The following PTK2 variants were observed in gnomAD, a reference collection of about 807,000 sequenced individuals.
The protein encoded by PTK2 is protein tyrosine kinase 2, also known as focal adhesion kinase 1.
PTK2 carries 45 observed loss-of-function variants against 150.1 expected under a neutral mutation model. That is an observed-to-expected ratio of 0.30 (90% confidence interval 0.24 to 0.38). The LOEUF (loss-of-function observed/expected upper bound fraction) is 0.38, where lower values mean the gene tolerates loss of function less well. Ranked by LOEUF, PTK2 falls within the 10% of genes least tolerant of loss-of-function variation. PTK2 has a pLI of 1.00. For synonymous variants in PTK2, 432 were observed against 449.2 expected (o/e 0.96, Z 0.48); for missense variants, 919 against 1,307.3 (o/e 0.70, Z 4.58).
At chr8:140,665,019 C>A (rs746505151) in intron 30 of PTK2, 22 bp from the exon 35 acceptor site, 1 of 1,598,838 alleles carries the variant, frequency 6.3e-7, no homozygotes, top group Non-Finnish European at 8.6e-7. Context: ...GAATCACAAC[C>A]AATATTAGAA....
At position 140,898,886 on chromosome 8, in the gene PTK2, G is replaced by A. The variant is rs564069441; in HGVS notation, c.-32-8117C>T. ...AGAGTAGCTCACTGTTAGAACATGAGAGAATAAGCAAAGGAATGCAAATTG... is the reference window on the plus strand; with the variant it reads ...AGAGTAGCTCACTGTTAGAACATGAAAGAATAAGCAAAGGAATGCAAATTG... On this transcript the variant is annotated intron_variant, in intron 2 of 31. Transcript: ENST00000522684. Among the ~76,000 whole-genome samples the A allele has an allele frequency of 3.3e-5, 5 of 152,264 alleles. No individual in the cohort carries two copies. In the East Asian group the frequency reaches 7.7e-4, roughly 23 times the overall value.
chr8:140,786,830 A>G (rs2100085253), intron 14 of PTK2, among the ~76,000 whole-genome samples: 1 of 152,110 alleles, frequency 6.6e-6, no homozygotes, highest in Non-Finnish European at 1.5e-5. Flanking sequence ...TTGAAGTATC[A>G]CTAACTCTGA....
chr8:140,916,208 G>A (rs962566797), intron 2 of PTK2, among the ~76,000 whole-genome samples: 2 of 152,300 alleles, frequency 1.3e-5, no homozygotes, highest in East Asian at 1.9e-4. Flanking sequence ...TTTAAAGGCT[G>A]ATTCACTCCT....
In PTK2 at chr8:140,990,412, T is replaced by A. The variant is rs1040455513; in HGVS notation, c.-122+10713A>T. Among the ~76,000 whole-genome samples, 6 of 152,132 alleles carry A rather than the reference T, an allele frequency of 3.9e-5. No homozygotes were observed. The South Asian group carries it at 1.0e-3, about 26-fold the overall frequency. The stretch of plus-strand genomic sequence containing the variant: ...ACCACACCTGGCTAATTATTATTAT[T>A]ATATTCTTTGGGAGAGACAAGATCT... On this transcript the variant is annotated intron_variant, in intron 1 of 31. Coordinates refer to ENST00000522684, the Ensembl canonical transcript of PTK2.
intron 20 of PTK2, among the ~76,000 whole-genome samples, 196 bp downstream of exon 23, chr8:140,743,034 G>A (rs1455225027): frequency 2.0e-5 from 3 of 152,152 alleles, no homozygotes; most frequent in Non-Finnish European, 2.9e-5. Context: ...GGAATTCAGA[G>A]GTTTAAACTG....
chr8:140,687,057 G>C (rs2100020354), intron 26 of PTK2: 2 of 224,820 alleles, frequency 8.9e-6, no homozygotes, highest in African/African-American at 2.3e-5. Context: ...ACAGAATATG[G>C]CTTATACGGA....
At chr8:140,900,421 G>A (rs754157459) in intron 2 of PTK2, among the ~76,000 whole-genome samples, 4 of 152,050 alleles carry the variant, frequency 2.6e-5, no homozygotes, top group Non-Finnish European at 5.9e-5. Context: ...TAAAACATTG[G>A]TGAAAGAAAT....
intron 14 of PTK2, 150 bp downstream of exon 14, chr8:140,789,324 A>G (rs1193284982): frequency 4.8e-6 from 3 of 631,164 alleles, no homozygotes; most frequent in Non-Finnish European, 7.5e-6. Context: ...AAAACTATTT[A>G]ATGATGGTAA....
chr8:140,865,831 T>A (rs1216790137), intron 4 of PTK2, among the ~76,000 whole-genome samples: 1 of 152,202 alleles, frequency 6.6e-6, no homozygotes, highest in African/African-American at 2.4e-5. Context: ...TTGCCCAGGC[T>A]GCAGTGCAGT....
At position 140,927,975 on chromosome 8, in the gene PTK2, A is replaced by AAATATATAT; in HGVS notation, c.-121-2227_-121-2226insATATATATT. On this transcript the variant is annotated intron_variant, in intron 1 of 31. Coordinates refer to ENST00000522684, the Ensembl canonical transcript of PTK2. ...AAAAAAAAGAAAAAAAAAAAAAAAA[A>AAATATATAT]ATATATATATATATATATGTATATA... 4.1e-3 allele frequency among the ~76,000 whole-genome samples: 195 copies of AAATATATAT among 48,104 alleles called. 1 individual carries two copies. Among genetic ancestry groups the AAATATATAT allele is most frequent in the Non-Finnish European group, 5.0e-3 (146 of 29,356 alleles). 31.6% of individuals were successfully genotyped at this position (48,104 alleles called of 152,430 possible).
intron 1 of PTK2, among the ~76,000 whole-genome samples, chr8:140,994,696 CAT>C (rs1302054144): frequency 2.0e-5 from 3 of 152,184 alleles, no homozygotes; most frequent in Non-Finnish European, 4.4e-5. Flanking sequence ...CCTGTACCCA[CAT>C]GAGATACACA....
chr8:140,994,152 G>C (rs982857638), intron 1 of PTK2, among the ~76,000 whole-genome samples: 8 of 152,170 alleles, frequency 5.3e-5, no homozygotes, highest in African/African-American at 1.9e-4. Flanking sequence ...ACATTGTAAG[G>C]AAATACTTTC....
At chr8:140,684,822 A>C (rs530125831) in intron 27 of PTK2, among the ~76,000 whole-genome samples, 2 of 152,342 alleles carry the variant, frequency 1.3e-5, no homozygotes, top group South Asian at 4.1e-4. Flanking sequence ...CATACCGCCC[A>C]AAGCTTTACA....
chr8:140,831,805 T>C (rs920528541), intron 7 of PTK2, among the ~76,000 whole-genome samples: 6 of 152,200 alleles, frequency 3.9e-5, no homozygotes, highest in Non-Finnish European at 8.8e-5. Context: ...AAAACCATCA[T>C]TATCTATTTT....
chr8:140,661,715 G>A (rs995492211), intron 31 of PTK2, among the ~76,000 whole-genome samples: 3 of 152,186 alleles, frequency 2.0e-5, no homozygotes, highest in Admixed American at 1.3e-4. Flanking sequence ...GGAGAGGAGT[G>A]AGTGAGGAAG....
At chr8:140,849,635 A>G (rs1389280624) in intron 5 of PTK2, among the ~76,000 whole-genome samples, 1 of 152,240 alleles carries the variant, frequency 6.6e-6, no homozygotes, top group Non-Finnish European at 1.5e-5. Flanking sequence ...AGCCTCAGAA[A>G]AAGCCTAAAA....
intron 13 of PTK2, among the ~76,000 whole-genome samples, chr8:140,791,109 C>T (rs1280867127): frequency 6.6e-6 from 1 of 152,190 alleles, no homozygotes; most frequent in Non-Finnish European, 1.5e-5. Flanking sequence ...TCTGTTAACA[C>T]TTGCAATGTA....
chr8:140,892,628 C>T (rs1406404596), intron 2 of PTK2: 4 of 442,770 alleles, frequency 9.0e-6, no homozygotes, highest in East Asian at 1.3e-4. Flanking sequence ...AATCATTCTC[C>T]AATTAGTTAA....
At chr8:140,781,099 TTG>T (rs1396758553) in intron 14 of PTK2, among the ~76,000 whole-genome samples, 2 of 152,230 alleles carry the variant, frequency 1.3e-5, no homozygotes, top group Non-Finnish European at 2.9e-5. Context: ...TCCACAATTA[TTG>T]TATAGCTATA....
Sources: allele counts gnomAD v4.1 joint callset (sites outside exome capture counted in the v4.1 genomes callset), GRCh38; gene constraint gnomAD v4.1.1; transcripts MANE v1.5; gene names NCBI Gene and HGNC (gene_info 2026-07-23, HGNC 2026-07-21).